Variants in CUBN observed in about 807,000 individuals in gnomAD.
CUBN encodes cubilin.
CUBN carries 282 observed loss-of-function variants against 405.3 expected under a neutral mutation model. That is an observed-to-expected ratio of 0.70 (90% CI 0.63 to 0.77). The LOEUF (loss-of-function observed/expected upper bound fraction) is 0.77, where lower values mean the gene tolerates loss of function less well. CUBN is among the 30% of genes least tolerant of loss of function. The probability of loss-of-function intolerance (pLI) is 0.00; values close to 1 mark genes in which losing one functional copy is unlikely to be tolerated. For missense variants in CUBN, 4,514 were observed against 4,475.2 expected (o/e 1.01, Z -0.25); for synonymous variants, 1,684 against 1,617.0 (o/e 1.04, Z -0.99).
chr10:17,098,231 T>C (rs879911961), intron 14 of CUBN, among the ~76,000 whole-genome samples: 13 of 152,182 alleles, frequency 8.5e-5, no homozygotes, highest in Admixed American at 2.6e-4. Context: ...AGTCCAGCCT[T>C]TAGACAGCTA....
At position 17,052,759 on chromosome 10, in the gene CUBN, CAAAAAAAAAAAAAAAAAA is replaced by C. The variant is rs10574636; in HGVS notation, c.3140-5174_3140-5157del. Among the ~76,000 whole-genome samples the C allele has an allele frequency of 7.1e-4, 39 of 55,086 alleles. 2 individuals carry two copies. The highest frequency in any genetic ancestry group is 1.2e-3 in the Admixed American group (4 of 3,202). The allele number at this position is 55,086 out of a possible 152,430, so 36.1% of individuals were successfully genotyped here. A position where few individuals can be genotyped will look rare whatever the true frequency, so the allele number is the denominator to read the frequency against. ...TGGGCAACAGACTGAGACTCAGTCT[CAAAAAAAAAAAAAAAAAA>C]AAAAAAAAAAGAGAGAGAGAGAGAG... On this transcript the variant is annotated intron_variant, in intron 22 of 66. Transcript: ENST00000377833.
rs145296804 is a variant in CUBN at position 17,003,998 on chromosome 10, C to T, written c.4169-13483G>A. On this transcript the variant is annotated intron_variant, in intron 28 of 66. Transcript: ENST00000377833. ...GCTGGCTTTGAGAATTCTAAAGAAT[C>T]TAGCCCAGGAGGTCTACGAAGCCTC... 2.0e-5 allele frequency among the ~76,000 whole-genome samples: 3 copies of T among 152,334 alleles called. No homozygotes were observed. The East Asian group carries it at 5.8e-4, about 29-fold the overall frequency.
rs775045830 is a variant in CUBN, at chr10:16,890,370, C to T, written c.8755+1G>A. On this transcript the variant is annotated splice_donor_variant, in intron 55 of 66. Coordinates refer to ENST00000377833, the MANE Select transcript of CUBN (RefSeq NM_001081.4). LOFTEE classifies it high-confidence loss of function. ...TGGGTTTGGTTCTTAGGGCTACTTA[C>T]GGCTAACAAAGGACGCGGAGAAGCC... 13 of 1,612,580 alleles carry T rather than the reference C, an allele frequency of 8.1e-6. No homozygotes were observed. The highest frequency in any genetic ancestry group is 1.0e-5 in the Non-Finnish European group (12 of 1,179,980).
chr10:17,104,614 A>G lies in CUBN; in HGVS notation c.1231-9T>C, dbSNP rs923485285. 10 of 1,601,734 alleles carry G rather than the reference A, an allele frequency of 6.2e-6. No individual in the cohort carries two copies. In the East Asian group the frequency reaches 6.7e-5, roughly 11 times the overall value. ...TAACCAGAGACAGTGTCCTAAGGGG[A>G]AAAAAAACACATAATACCATAAAAC... On this transcript the variant is annotated splice_polypyrimidine_tract_variant and intron_variant, in intron 11 of 66. Transcript: ENST00000377833.
chr10:17,020,310 G>T (rs530212623), intron 27 of CUBN, among the ~76,000 whole-genome samples: 1 of 152,152 alleles, frequency 6.6e-6, no homozygotes, highest in South Asian at 2.1e-4. Flanking sequence ...ACAACACATA[G>T]GGGGGCTCAA....
intron 31 of CUBN, among the ~76,000 whole-genome samples, chr10:16,978,646 T>C (rs1313995782): frequency 1.3e-5 from 2 of 152,226 alleles, no homozygotes; most frequent in Non-Finnish European, 2.9e-5. Flanking sequence ...CAGTTGGATC[T>C]TGTGTAGGAA....
At chr10:16,890,252 C>T in intron 55 of CUBN, 119 bp downstream of exon 55, 1 of 899,974 alleles carries the variant, frequency 1.1e-6, no homozygotes, top group Non-Finnish European at 1.8e-6. Context: ...TTAGGTGACT[C>T]ATCCTCCCCG....
rs1588612443 is a variant in CUBN, at chr10:16,876,881, C to T, written c.9106+16G>A. ...AAAAGAAGAAAATTCCAAACTCTGT[C>T]ATTATGGCTACTCACAGATTATCCT... is the stretch of plus-strand genomic sequence containing the variant. On this transcript the variant is annotated intron_variant, in intron 57 of 66. Transcript: ENST00000377833. The T allele has an allele frequency of 6.2e-7, 1 of 1,607,486 alleles. No homozygotes were observed. Among genetic ancestry groups the T allele is most frequent in the Non-Finnish European group, 8.5e-7 (1 of 1,174,102 alleles).
In CUBN at chr10:17,084,445, A is replaced by C; in HGVS notation, c.2127T>G (p.Gly709=). The change falls in exon 17 of 67, where the codon GGT becomes GGG. Residue 709 remains glycine (G), a synonymous_variant. Coordinates refer to ENST00000377833, the MANE Select transcript of CUBN (RefSeq NM_001081.4). ...YLTSPSDLRC[G]GNYTDPEGEL... ...CACCCTCTGGGTCCGTGTAGTTCCC[A>C]CCACAACGCAGATCCGCTAAGAACA... 6.2e-7 allele frequency: 1 copy of C among 1,613,404 alleles called. No homozygotes were observed. The highest frequency in any genetic ancestry group is 8.5e-7 in the Non-Finnish European group (1 of 1,179,842).
intron 47 of CUBN, 83 bp from the exon 48 acceptor site, chr10:16,914,075 T>C: frequency 6.8e-7 from 1 of 1,460,284 alleles, no homozygotes; most frequent in African/African-American, 1.4e-5. Context: ...AATTCAGGTA[T>C]TTAAAAATTA....
Position 16,888,594 on chromosome 10 carries a change from G to A in CUBN, c.8756-28C>T, listed in dbSNP as rs769318902. On this transcript the variant is annotated intron_variant, in intron 55 of 66. Transcript: ENST00000377833. ...ATGTGGGAACAAAAAGTCATCATCAGATCATTTATTTCTCGTGTATCTATT... is the reference window on the plus strand; with the variant it reads ...ATGTGGGAACAAAAAGTCATCATCAAATCATTTATTTCTCGTGTATCTATT... 2.5e-6 allele frequency: 4 copies of A among 1,604,662 alleles called. No individual in the cohort carries two copies. The African/African-American group carries it at 5.4e-5, about 21-fold the overall frequency.
At chr10:17,097,488 C>T (rs1231774285) in intron 14 of CUBN, among the ~76,000 whole-genome samples, 1 of 152,080 alleles carries the variant, frequency 6.6e-6, no homozygotes, top group Non-Finnish European at 1.5e-5. Flanking sequence ...TATTGTCAAT[C>T]TTACACAAAT....
chr10:16,892,062 A>AAACATC (rs1360476756), intron 54 of CUBN, among the ~76,000 whole-genome samples: 6 of 152,218 alleles, frequency 3.9e-5, no homozygotes, highest in Non-Finnish European at 8.8e-5. Context: ...CACAGCAATA[A>AAACATC]AACATCAAGT....
At chr10:17,055,931 G>A (rs537860982) in intron 22 of CUBN, among the ~76,000 whole-genome samples, 1 of 151,970 alleles carries the variant, frequency 6.6e-6, no homozygotes, top group Non-Finnish European at 1.5e-5. Flanking sequence ...TGAATATGGA[G>A]ACACAAAAAA....
chr10:16,873,519 C>T (rs1337701231), intron 58 of CUBN, among the ~76,000 whole-genome samples: 3 of 151,898 alleles, frequency 2.0e-5, no homozygotes, highest in Non-Finnish European at 4.4e-5. Context: ...GTCAGGAGTT[C>T]GAGACCAGCA....
intron 12 of CUBN, among the ~76,000 whole-genome samples, chr10:17,103,824 T>C (rs542240442): frequency 6.6e-6 from 1 of 152,270 alleles, no homozygotes; most frequent in African/African-American, 2.4e-5. Context: ...GGAAGATGTG[T>C]GAGGAGGTTT....
chr10:17,097,041 A>G (rs74604371), intron 14 of CUBN, among the ~76,000 whole-genome samples: 1 of 152,012 alleles, frequency 6.6e-6, no homozygotes, highest in Admixed American at 6.6e-5. Context: ...CTAGGAAAAA[A>G]TTGTTAAAGT....
In CUBN at chr10:16,920,076, G is replaced by T. The variant is rs1469734279; in HGVS notation, c.6708C>A (p.Asn2236Lys). ...ADSAGYVTSP[N>K]HPHNYPPHAD... ...CGTGCGGGGGATAATTATGAGGGTG[G>T]TTGGGGGAGGTCACATACCCAGCAG... Residue 2236 changes from asparagine to lysine, a missense_variant, in exon 44 of 67, where the codon AAC (asparagine) becomes AAA (lysine). Transcript: ENST00000377833. 2 of 1,613,934 alleles carry T rather than the reference G, an allele frequency of 1.2e-6. No individual in the cohort carries two copies. The highest frequency in any genetic ancestry group is 2.7e-5 in the African/African-American group (2 of 74,902).
chr10:17,007,989 C>CA (rs1287925381), intron 28 of CUBN, among the ~76,000 whole-genome samples: 2 of 151,988 alleles, frequency 1.3e-5, no homozygotes, highest in African/African-American at 2.4e-5. Flanking sequence ...CCTATCTCTA[C>CA]AAAAAATACA....
Sources: allele counts gnomAD v4.1 joint callset (sites outside exome capture counted in the v4.1 genomes callset), GRCh38; gene constraint gnomAD v4.1.1; transcripts MANE v1.5; gene names NCBI Gene and HGNC (gene_info 2026-07-23, HGNC 2026-07-21).